The following IGSF10 variants were observed in gnomAD, a reference collection of about 807,000 sequenced individuals.
IGSF10 encodes immunoglobulin superfamily member 10.
A neutral mutation model predicts 128.2 loss-of-function variants in IGSF10; 126 were observed. That is an observed-to-expected ratio of 0.98 (90% confidence interval 0.85 to 1.14). IGSF10 has a LOEUF of 1.14. IGSF10 is among the 50% of genes most tolerant of loss of function. IGSF10 has a pLI of 0.00. For missense variants in IGSF10, 3,295 were observed against 3,149.8 expected (o/e 1.05, Z -1.10); for synonymous variants, 1,185 against 1,146.2 (o/e 1.03, Z -0.68).
the IGSF10 span, among the ~76,000 whole-genome samples, chr3:151,512,142 C>A: frequency 2.4e-3 from 370 of 152,250 alleles, no homozygotes; most frequent in African/African-American, 8.4e-3. Flanking sequence ...ACTCTCCACC[C>A]CAAATCAACA....
At chr3:151,592,208 GT>G in the IGSF10 span, among the ~76,000 whole-genome samples, 2 of 141,224 alleles carry the variant, frequency 1.4e-5, no homozygotes, top group East Asian at 4.2e-4. Context: ...AGTGTTTATT[GT>G]TTTGAGATTA....
At chr3:151,579,768 A>G in the IGSF10 span, among the ~76,000 whole-genome samples, 2 of 152,008 alleles carry the variant, frequency 1.3e-5, 1 homozygote, top group East Asian at 3.9e-4. Flanking sequence ...AAAGACTTCA[A>G]ATAACAGATC....
chr3:151,610,531 TAAC>T, the IGSF10 span, among the ~76,000 whole-genome samples: 1 of 152,198 alleles, frequency 6.6e-6, no homozygotes, highest in East Asian at 1.9e-4. Flanking sequence ...ATTTTTGTAA[TAAC>T]AATTGTTTTA....
the IGSF10 span, among the ~76,000 whole-genome samples, chr3:151,540,437 G>A: frequency 1.3e-5 from 2 of 152,052 alleles, no homozygotes; most frequent in Non-Finnish European, 2.9e-5. Context: ...ATTTTTTTGA[G>A]GAGTATCCAT....
the IGSF10 span, among the ~76,000 whole-genome samples, chr3:151,538,997 C>G: frequency 6.6e-6 from 1 of 152,132 alleles, no homozygotes; most frequent in Non-Finnish European, 1.5e-5. Context: ...AAAGAGCCAG[C>G]TTTTTTTCTT....
the IGSF10 span, among the ~76,000 whole-genome samples, chr3:151,548,111 G>T: frequency 1.3e-5 from 2 of 152,314 alleles, no homozygotes; most frequent in South Asian, 4.1e-4. Flanking sequence ...TGGAAGTGAT[G>T]TTGGGGTAAT....
At chr3:151,569,797 G>A in the IGSF10 span, among the ~76,000 whole-genome samples, 10 of 152,000 alleles carry the variant, frequency 6.6e-5, no homozygotes, top group Non-Finnish European at 1.3e-4. Flanking sequence ...GGTTTGTTAC[G>A]TATGTATACA....
the IGSF10 span, among the ~76,000 whole-genome samples, chr3:151,523,195 T>C: frequency 2.0e-5 from 3 of 152,164 alleles, no homozygotes; most frequent in African/African-American, 7.2e-5. Context: ...ACACATCTCA[T>C]GCTCATGGAT....
chr3:151,479,985 CTTTT>C, the IGSF10 span, among the ~76,000 whole-genome samples: 2 of 148,568 alleles, frequency 1.3e-5, no homozygotes, highest in African/African-American at 4.9e-5. Flanking sequence ...TTTTATCACA[CTTTT>C]TTTTTTATCA....
chr3:151,481,097 G>A, the IGSF10 span, among the ~76,000 whole-genome samples: 1 of 152,108 alleles, frequency 6.6e-6, no homozygotes, highest in Non-Finnish European at 1.5e-5. Flanking sequence ...AGCTGACATG[G>A]TGCCTGACCC....
At chr3:151,547,610 G>C in the IGSF10 span, among the ~76,000 whole-genome samples, 1 of 152,048 alleles carries the variant, frequency 6.6e-6, no homozygotes, top group African/African-American at 2.4e-5. Flanking sequence ...ATTGGACTCT[G>C]GTTTTCCTCT....
chr3:151,523,565 G>A, the IGSF10 span, among the ~76,000 whole-genome samples: 64 of 152,180 alleles, frequency 4.2e-4, 1 homozygote, highest in African/African-American at 1.4e-3. Context: ...CAACCAATGG[G>A]GAAAAGAGTC....
chr3:151,451,977 C>T (rs911480579), intron 5 of IGSF10, among the ~76,000 whole-genome samples: 1 of 152,186 alleles, frequency 6.6e-6, no homozygotes, highest in East Asian at 1.9e-4. Flanking sequence ...CATTTAACTA[C>T]TGAGATCAGT....
At chr3:151,569,575 G>A in the IGSF10 span, among the ~76,000 whole-genome samples, 2 of 152,188 alleles carry the variant, frequency 1.3e-5, no homozygotes, top group East Asian at 1.9e-4. Flanking sequence ...TTGGCTTTCA[G>A]GGACAAATGT....
the IGSF10 span, among the ~76,000 whole-genome samples, chr3:151,547,438 A>ATG: frequency 6.0e-5 from 9 of 151,024 alleles, no homozygotes; most frequent in Non-Finnish European, 1.3e-4. Flanking sequence ...ATACACACAC[A>ATG]CACACACACA....
chr3:151,458,346 A>C (rs1243348905), intron 3 of IGSF10, among the ~76,000 whole-genome samples, 170 bp downstream of exon 3: 5 of 152,158 alleles, frequency 3.3e-5, no homozygotes, highest in Admixed American at 3.3e-4. Context: ...GTTTACCAGG[A>C]AAAGTTTTCT....
At chr3:151,463,419 G>T (rs932145427), upstream of IGSF10, among the ~76,000 whole-genome samples, 5 of 150,058 alleles carry the variant, frequency 3.3e-5, no homozygotes, top group African/African-American at 1.2e-4. Flanking sequence ...TTTTTCAGAT[G>T]AGATTGCTGA....
chr3:151,589,052 T>C, the IGSF10 span, among the ~76,000 whole-genome samples: 5 of 152,232 alleles, frequency 3.3e-5, no homozygotes, highest in Admixed American at 3.3e-4. Flanking sequence ...AAACTATTTC[T>C]ATAGTTATAT....
chr3:151,538,880 G>T, the IGSF10 span, among the ~76,000 whole-genome samples: 1 of 152,106 alleles, frequency 6.6e-6, no homozygotes, highest in Non-Finnish European at 1.5e-5. Context: ...AAAAAGAAAA[G>T]GTTTTAGAAC....
Sources: allele counts gnomAD v4.1 joint callset (sites outside exome capture counted in the v4.1 genomes callset), GRCh38; gene constraint gnomAD v4.1.1; transcripts MANE v1.5; gene names NCBI Gene and HGNC (gene_info 2026-07-23, HGNC 2026-07-21).